Variants in PTBP3 observed in about 807,000 individuals in gnomAD.
The protein encoded by PTBP3 is polypyrimidine tract binding protein 3, also known as polypyrimidine tract-binding protein 3.
A neutral mutation model predicts 58.7 loss-of-function variants in PTBP3; 20 were observed. The ratio of observed to expected loss-of-function variants is 0.34; its 90% CI spans 0.24 to 0.50. The LOEUF is 0.50. Among genes scored for constraint, PTBP3 ranks in the 20% least tolerant of loss-of-function variants. The pLI is 0.98. For missense variants in PTBP3, 509 were observed against 637.2 expected (o/e 0.80, Z 2.17); for synonymous variants, 185 against 219.8 (o/e 0.84, Z 1.40).
In PTBP3 at chr9:112,320,217, G is replaced by A. The variant is rs567655997; in HGVS notation, c.-52+13253C>T. Among the ~76,000 whole-genome samples, 6 of 148,050 alleles carry A rather than the reference G, an allele frequency of 4.1e-5. 1 individual carries two copies. In the South Asian group the frequency reaches 1.1e-3, roughly 26 times the overall value. On this transcript the variant is annotated intron_variant, in intron 1 of 13. Transcript: ENST00000374257. Reference sequence around the variant, plus strand: ...CACTTGAGCCCAGGAGTTCAAGGCTGCAGTGAGCTATGATTGCACCACTGC... The same window carrying A: ...CACTTGAGCCCAGGAGTTCAAGGCTACAGTGAGCTATGATTGCACCACTGC...
chr9:112,228,554 G>GC, intron 10 of PTBP3, 82 bp from the exon 11 acceptor site: 1 of 703,490 alleles, frequency 1.4e-6, no homozygotes, highest in Non-Finnish European at 2.0e-6. Context: ...CTTAAAGAAG[G>GC]CATTTCTTAC....
At chr9:112,315,122 C>T (rs1364846159) in intron 1 of PTBP3, among the ~76,000 whole-genome samples, 1 of 152,038 alleles carries the variant, frequency 6.6e-6, no homozygotes, top group Non-Finnish European at 1.5e-5. Flanking sequence ...TGAGCCACCG[C>T]CCCCGGCCCC....
At chr9:112,306,581 A>C (rs540801654) in intron 1 of PTBP3, among the ~76,000 whole-genome samples, 70 of 122,386 alleles carry the variant, frequency 5.7e-4, no homozygotes, top group African/African-American at 2.0e-3. Context: ...AATTAATTTA[A>C]ATTTGTATAT....
intron 7 of PTBP3, among the ~76,000 whole-genome samples, 181 bp from the exon 8 acceptor site, chr9:112,235,078 C>T (rs1835390203): frequency 1.3e-5 from 2 of 152,146 alleles, no homozygotes; most frequent in African/African-American, 4.8e-5. Flanking sequence ...CAAAGGCTAA[C>T]CCTTTTCAAT....
intron 4 of PTBP3, among the ~76,000 whole-genome samples, chr9:112,262,989 A>G (rs1836660745): frequency 6.6e-6 from 1 of 152,202 alleles, no homozygotes; most frequent in South Asian, 2.1e-4. Context: ...AATATTCTCC[A>G]CTAAAAGAGA....
intron 2 of PTBP3, among the ~76,000 whole-genome samples, chr9:112,279,908 T>C (rs1196214625): frequency 2.3e-5 from 1 of 44,066 alleles, no homozygotes; most frequent in Non-Finnish European, 3.8e-5. Flanking sequence ...AATGGATCAG[T>C]AACACTTTTA....
intron 3 of PTBP3, among the ~76,000 whole-genome samples, chr9:112,271,463 AT>A (rs1428522205): frequency 2.0e-5 from 3 of 152,206 alleles, no homozygotes; most frequent in Non-Finnish European, 4.4e-5. Context: ...GCTCACGCCT[AT>A]GATCCCAATA....
intron 1 of PTBP3, among the ~76,000 whole-genome samples, chr9:112,301,902 TA>T (rs1828951184): frequency 6.6e-6 from 1 of 152,068 alleles, no homozygotes; most frequent in South Asian, 2.1e-4. Flanking sequence ...AAATTAAAAT[TA>T]AAAAATAAAA....
At chr9:112,248,359 A>T (rs975928205) in intron 7 of PTBP3, among the ~76,000 whole-genome samples, 3 of 152,154 alleles carry the variant, frequency 2.0e-5, no homozygotes, top group African/African-American at 7.2e-5. Flanking sequence ...GGAGAAATAA[A>T]ACACAAAAAC....
the PTBP3 span, among the ~76,000 whole-genome samples, chr9:112,375,239 T>G: frequency 6.6e-6 from 1 of 152,188 alleles, no homozygotes; most frequent in East Asian, 1.9e-4. Flanking sequence ...TTCCCCAAAT[T>G]TTATTGTCAC....
intron 4 of PTBP3, among the ~76,000 whole-genome samples, chr9:112,265,687 C>T (rs1166283179): frequency 1.3e-5 from 2 of 151,992 alleles, no homozygotes; most frequent in Admixed American, 6.5e-5. Context: ...GCAAGCAGAA[C>T]GTATAAGCAT....
intron 1 of PTBP3, among the ~76,000 whole-genome samples, chr9:112,329,133 G>A (rs772070025): frequency 1.8e-4 from 27 of 152,108 alleles, no homozygotes; most frequent in Non-Finnish European, 3.1e-4. Context: ...TAAATGGGCC[G>A]GGTGTGGTGG....
intron 1 of PTBP3, among the ~76,000 whole-genome samples, chr9:112,326,115 G>A (rs912519032): frequency 6.6e-6 from 1 of 152,224 alleles, no homozygotes; most frequent in South Asian, 2.1e-4. Flanking sequence ...TTTCTAGACT[G>A]CGTGTTCTAT....
intron 2 of PTBP3, among the ~76,000 whole-genome samples, chr9:112,284,534 AATAGCACAAAAATC>A (rs1828021911): frequency 6.6e-6 from 1 of 152,184 alleles, no homozygotes. Flanking sequence ...CAAGTCTGCT[AATAGCACAAAAATC>A]AGCCAAGCAT....
the PTBP3 span, among the ~76,000 whole-genome samples, chr9:112,376,156 G>GAT: frequency 0.011 from 1,255 of 116,772 alleles, 56 homozygotes; most frequent in African/African-American, 0.034. Flanking sequence ...TTCTCTAGAG[G>GAT]ATATATATAT....
chr9:112,233,312 T>TGTATC (rs1835318914), intron 8 of PTBP3, among the ~76,000 whole-genome samples: 1 of 129,766 alleles, frequency 7.7e-6, no homozygotes, highest in African/African-American at 3.1e-5. Flanking sequence ...TGTGTGTGTG[T>TGTATC]GTGTATCTTC....
the PTBP3 span, among the ~76,000 whole-genome samples, chr9:112,377,259 T>C: frequency 1.3e-5 from 2 of 152,156 alleles, no homozygotes; most frequent in Admixed American, 6.5e-5. Context: ...TCCTGGCTAC[T>C]TGGGTGGCTG....
intron 6 of PTBP3, chr9:112,252,399 G>C (rs552008537): frequency 7.9e-5 from 31 of 391,594 alleles, no homozygotes; most frequent in Middle Eastern, 7.7e-4. Flanking sequence ...GCTTATGTGA[G>C]GAGTACTGTG....
chr9:112,312,619 T>C (rs868560084), intron 1 of PTBP3, among the ~76,000 whole-genome samples: 2 of 150,954 alleles, frequency 1.3e-5, no homozygotes, highest in Non-Finnish European at 2.9e-5. Flanking sequence ...AAATATGAAC[T>C]GGGTAAAGGA....
Sources: gnomAD v4.1 joint callset for allele counts (sites outside exome capture counted in the v4.1 genomes callset) on GRCh38, gnomAD v4.1.1 for gene constraint, MANE v1.5 for transcripts, NCBI Gene and HGNC (gene_info 2026-07-23, HGNC 2026-07-21) for gene names.